COL13A1: variants seen among roughly 807,000 people sequenced by gnomAD.
COL13A1 encodes the protein collagen alpha-1(XIII) chain.
COL13A1 carries 89 observed loss-of-function variants against 130.9 expected under a neutral mutation model. The observed-to-expected ratio is 0.68, with a 90% CI of 0.57 to 0.81. The LOEUF (loss-of-function observed/expected upper bound fraction) is 0.81. Ranked by LOEUF, COL13A1 falls within the 30% of genes least tolerant of loss-of-function variation. The pLI, the probability that COL13A1 is intolerant of heterozygous loss-of-function variation, is 0.00. For synonymous variants in COL13A1, 402 were observed against 341.6 expected (o/e 1.18, Z -1.95); for missense variants, 879 against 934.6 (o/e 0.94, Z 0.78).
intron 3 of COL13A1, among the ~76,000 whole-genome samples, chr10:69,871,047 C>A (rs1234250393): frequency 6.6e-6 from 1 of 152,092 alleles, no homozygotes; most frequent in Non-Finnish European, 1.5e-5. Context: ...TCAGAGTAGA[C>A]CCACTGCATG....
At chr10:69,825,326 T>C (rs1847213610) in intron 2 of COL13A1, among the ~76,000 whole-genome samples, 2 of 152,222 alleles carry the variant, frequency 1.3e-5, no homozygotes. Context: ...TAAACAACTT[T>C]AAGGCTCCTG....
intron 2 of COL13A1, among the ~76,000 whole-genome samples, chr10:69,836,337 G>A (rs933451718): frequency 6.6e-5 from 10 of 152,220 alleles, no homozygotes; most frequent in African/African-American, 1.2e-4. Flanking sequence ...CAATCAAGGC[G>A]GGGCCAAGGC....
chr10:69,834,240 T>C (rs1849490171), intron 2 of COL13A1, among the ~76,000 whole-genome samples: 1 of 152,134 alleles, frequency 6.6e-6, no homozygotes, highest in South Asian at 2.1e-4. Flanking sequence ...CCTGTGAGAA[T>C]CTATTGCCAC....
intron 2 of COL13A1, among the ~76,000 whole-genome samples, chr10:69,846,724 C>A (rs1853212859): frequency 6.6e-6 from 1 of 152,234 alleles, no homozygotes; most frequent in African/African-American, 2.4e-5. Context: ...CTTAAACACA[C>A]AGGGTGCTTT....
chr10:69,953,002 T>C (rs369509817), intron 39 of COL13A1, 34 bp downstream of exon 39: 161 of 1,449,020 alleles, frequency 1.1e-4, no homozygotes, highest in Non-Finnish European at 1.3e-4. Context: ...ATTGTTCTGG[T>C]TTTTGTTCTT....
intron 2 of COL13A1, among the ~76,000 whole-genome samples, chr10:69,865,281 G>A (rs2058415143): frequency 6.6e-6 from 1 of 152,204 alleles, no homozygotes; most frequent in Admixed American, 6.5e-5. Flanking sequence ...CAGCCAAGTG[G>A]CCCACATGGG....
At chr10:69,916,335 C>T (rs1470235838) in intron 17 of COL13A1, among the ~76,000 whole-genome samples, 1 of 152,222 alleles carries the variant, frequency 6.6e-6, no homozygotes, top group Non-Finnish European at 1.5e-5. Flanking sequence ...GAGGAAGTGG[C>T]AGCAGGCTGG....
intron 2 of COL13A1, among the ~76,000 whole-genome samples, chr10:69,863,138 C>T (rs142947887): frequency 1.3e-5 from 2 of 152,224 alleles, no homozygotes; most frequent in East Asian, 3.9e-4. Flanking sequence ...ACGATTCACA[C>T]GTGGACTAGA....
chr10:69,890,290 G>T (rs2061043629), intron 10 of COL13A1, among the ~76,000 whole-genome samples: 1 of 152,136 alleles, frequency 6.6e-6, no homozygotes, highest in Non-Finnish European at 1.5e-5. Flanking sequence ...AAGAGCTAAT[G>T]GGCCCCTGCT....
intron 1 of COL13A1, among the ~76,000 whole-genome samples, chr10:69,804,956 C>T (rs1304319432): frequency 2.2e-4 from 34 of 151,338 alleles, no homozygotes; most frequent in Non-Finnish European, 4.9e-4. Context: ...AAATGAAGAG[C>T]TGAAGGATGA....
intron 7 of COL13A1, among the ~76,000 whole-genome samples, chr10:69,883,795 T>C (rs2060359164): frequency 6.6e-6 from 1 of 152,162 alleles, no homozygotes; most frequent in African/African-American, 2.4e-5. Context: ...ACGTGGGACA[T>C]GACCAGATTT....
intron 8 of COL13A1, 133 bp from the exon 9 acceptor site, chr10:69,888,171 T>C (rs1386246806): frequency 4.3e-6 from 4 of 934,306 alleles, no homozygotes; most frequent in Admixed American, 2.2e-5. Flanking sequence ...CATTAACAAG[T>C]ACGTGGTCAA....
chr10:69,947,281 GC>G (rs753900489), intron 37 of COL13A1, 25 bp from the exon 38 acceptor site: 1 of 1,612,554 alleles, frequency 6.2e-7, no homozygotes, highest in Non-Finnish European at 8.5e-7. Flanking sequence ...TCATTAACAT[GC>G]CTTTCTTCCT....
intron 2 of COL13A1, among the ~76,000 whole-genome samples, chr10:69,826,328 T>A (rs568018221): frequency 6.6e-6 from 1 of 152,172 alleles, no homozygotes; most frequent in Non-Finnish European, 1.5e-5. Flanking sequence ...AGGAAATCAC[T>A]TCGCTGTCGG....
In COL13A1 at chr10:69,894,708, G is replaced by A. The variant is rs900545215; in HGVS notation, c.657+7G>A. On this transcript the variant is annotated splice_region_variant and intron_variant, in intron 12 of 40. Coordinates refer to ENST00000645393, the MANE Select transcript of COL13A1 (RefSeq NM_001368882.1). The stretch of plus-strand genomic sequence containing the variant: ...GGGACAAAAAGGAGAAAAGGTAAGA[G>A]CAGTGGAGGTTTCCTAGAGTCTCCA... The A allele has an allele frequency of 3.1e-6, 5 of 1,613,924 alleles. No individual in the cohort carries two copies. Among genetic ancestry groups the A allele is most frequent in the African/African-American group, 2.7e-5 (2 of 74,946 alleles).
intron 17 of COL13A1, among the ~76,000 whole-genome samples, chr10:69,911,459 T>C (rs896206014): frequency 6.6e-6 from 1 of 152,234 alleles, no homozygotes; most frequent in Non-Finnish European, 1.5e-5. Context: ...CAGAGGCCAT[T>C]TTCCCCGAGG....
chr10:69,920,366 C>T (rs1366926300), intron 21 of COL13A1, among the ~76,000 whole-genome samples: 1 of 152,188 alleles, frequency 6.6e-6, no homozygotes, highest in Non-Finnish European at 1.5e-5. Flanking sequence ...GACCTGATAC[C>T]CCAGCCCTGC....
intron 21 of COL13A1, among the ~76,000 whole-genome samples, chr10:69,921,553 A>G (rs1326324977): frequency 6.6e-6 from 1 of 152,224 alleles, no homozygotes; most frequent in African/African-American, 2.4e-5. Context: ...CACCTCTCCC[A>G]GGAGACCGCC....
chr10:69,809,501 T>C (rs1022003543), intron 1 of COL13A1, among the ~76,000 whole-genome samples: 1 of 152,244 alleles, frequency 6.6e-6, no homozygotes, highest in Non-Finnish European at 1.5e-5. Context: ...GAAGAGAGAA[T>C]AGAGGCACAG....
Sources: allele counts gnomAD v4.1 joint callset (sites outside exome capture counted in the v4.1 genomes callset), GRCh38; gene constraint gnomAD v4.1.1; transcripts MANE v1.5; gene names NCBI Gene and HGNC (gene_info 2026-07-23, HGNC 2026-07-21).